The following NKAIN2 variants were observed in gnomAD, a reference collection of about 807,000 sequenced individuals.
The protein encoded by NKAIN2 is sodium/potassium transporting ATPase interacting 2.
NKAIN2 carries 14 observed loss-of-function variants against 32.6 expected under a neutral mutation model. The ratio of observed to expected loss-of-function variants is 0.43; its 90% CI spans 0.28 to 0.67. The LOEUF is 0.67. Ranked by LOEUF, NKAIN2 falls within the 30% of genes least tolerant of loss-of-function variation. NKAIN2 has a pLI of 0.17. For missense variants in NKAIN2, 198 were observed against 258.3 expected (o/e 0.77, Z 1.60); for synonymous variants, 80 against 87.2 (o/e 0.92, Z 0.46).
At chr6:124,674,548 T>C (rs1344698490) in intron 4 of NKAIN2, among the ~76,000 whole-genome samples, 1 of 152,018 alleles carries the variant, frequency 6.6e-6, no homozygotes, top group Non-Finnish European at 1.5e-5. Flanking sequence ...CAATGTTTTA[T>C]AGTTTTCAGG....
rs146912523 is a variant in NKAIN2 at position 124,441,125 on chromosome 6, G to A, written c.273+85778G>A. On this transcript the variant is annotated intron_variant, in intron 3 of 6. Transcript: ENST00000368417. ...TGAATGGTCAGTATATGATAGAGCC[G>A]TGAATCTCATGATTCACACACTTCT... 1.8e-3 allele frequency among the ~76,000 whole-genome samples: 280 copies of A among 152,130 alleles called. 1 individual carries two copies. The highest frequency in any genetic ancestry group is 6.4e-3 in the African/African-American group (266 of 41,518).
At position 124,342,018 on chromosome 6, in the gene NKAIN2, T is replaced by C. The variant is rs574216622; in HGVS notation, c.193-13249T>C. On this transcript the variant is annotated intron_variant, in intron 2 of 6. Coordinates refer to ENST00000368417, the MANE Select transcript of NKAIN2 (RefSeq NM_001040214.3). ...GCTATTGGAGATGAGAAAACTAAGC[T>C]GAAAATATAATTAACTTTGTACAAA... Among the ~76,000 whole-genome samples the C allele has an allele frequency of 3.3e-5, 5 of 152,298 alleles. No individual in the cohort carries two copies. The East Asian group carries it at 7.7e-4, about 24-fold the overall frequency.
chr6:124,307,196 T>C (rs1022891309), intron 2 of NKAIN2, among the ~76,000 whole-genome samples: 1 of 152,162 alleles, frequency 6.6e-6, no homozygotes, highest in East Asian at 1.9e-4. Context: ...TGGGATAGGC[T>C]AAAGGGCAAA....
At chr6:124,487,530 G>A (rs1307207488) in intron 3 of NKAIN2, among the ~76,000 whole-genome samples, 1 of 152,088 alleles carries the variant, frequency 6.6e-6, no homozygotes. Context: ...TGAAGACCAT[G>A]TGGCAAGTCC....
intron 3 of NKAIN2, among the ~76,000 whole-genome samples, chr6:124,634,391 A>G (rs1783692486): frequency 2.0e-5 from 3 of 152,180 alleles, no homozygotes; most frequent in Non-Finnish European, 4.4e-5. Context: ...GAAATTCAAC[A>G]GAAATAGATC....
intron 3 of NKAIN2, among the ~76,000 whole-genome samples, chr6:124,633,088 C>T (rs1783631985): frequency 6.6e-6 from 1 of 151,950 alleles, no homozygotes. Flanking sequence ...AGAAATTCTG[C>T]AAAATACCAA....
At chr6:124,328,841 G>A (rs1562492830) in intron 2 of NKAIN2, among the ~76,000 whole-genome samples, 1 of 152,116 alleles carries the variant, frequency 6.6e-6, no homozygotes, top group Non-Finnish European at 1.5e-5. Flanking sequence ...AGCCATACTG[G>A]AAGAATAAGA....
At chr6:124,323,232 A>G (rs1007646095) in intron 2 of NKAIN2, among the ~76,000 whole-genome samples, 1 of 152,160 alleles carries the variant, frequency 6.6e-6, no homozygotes, top group African/African-American at 2.4e-5. Flanking sequence ...TTATCTTTTC[A>G]TACTTTTAGT....
chr6:123,831,021 C>G (rs901412093), intron 1 of NKAIN2, among the ~76,000 whole-genome samples: 1 of 152,128 alleles, frequency 6.6e-6, no homozygotes, highest in African/African-American at 2.4e-5. Context: ...TTTAAGGTTA[C>G]TTTATGGAAC....
At chr6:124,427,850 G>A (rs1009358790) in intron 3 of NKAIN2, among the ~76,000 whole-genome samples, 2 of 151,818 alleles carry the variant, frequency 1.3e-5, no homozygotes, top group African/African-American at 2.4e-5. Flanking sequence ...AGGTCGTTCG[G>A]GGCTACAAAA....
chr6:124,072,484 A>G (rs1257688246), intron 1 of NKAIN2, among the ~76,000 whole-genome samples: 1 of 152,194 alleles, frequency 6.6e-6, no homozygotes, highest in East Asian at 1.9e-4. Context: ...TATTTTAAAA[A>G]ATAACATTAA....
chr6:124,292,855 GT>G (rs1795881484), intron 2 of NKAIN2, among the ~76,000 whole-genome samples: 1 of 151,976 alleles, frequency 6.6e-6, no homozygotes, highest in African/African-American at 2.4e-5. Flanking sequence ...TTTTATTAAT[GT>G]TATTAAACTA....
In NKAIN2 at chr6:123,911,807, A is replaced by ATATATATGTGTATATATATATATATATG. The variant is rs1473572416; in HGVS notation, c.54+107559_54+107560insTGTGTATATATATATATATATGTATATA. Among the ~76,000 whole-genome samples the ATATATATGTGTATATATATATATATATG allele has an allele frequency of 9.7e-3, 1,003 of 103,658 alleles. 60 individuals are homozygous for ATATATATGTGTATATATATATATATATG. Among genetic ancestry groups the ATATATATGTGTATATATATATATATATG allele is most frequent in the African/African-American group, 0.02 (448 of 22,808 alleles). 68.0% of individuals were successfully genotyped at this position (103,658 alleles called of 152,430 possible). On this transcript the variant is annotated intron_variant, in intron 1 of 6. Transcript: ENST00000368417. Reference sequence around the variant, plus strand: ...CATATATATATATATATATGTATATATATATACACACACACACACACACAC... The same window carrying ATATATATGTGTATATATATATATATATG: ...CATATATATATATATATATGTATATATATATATGTGTATATATATATATATATGTATATACACACACACACACACACAC...
chr6:124,170,754 G>C (rs916287492), intron 1 of NKAIN2, among the ~76,000 whole-genome samples: 4 of 152,118 alleles, frequency 2.6e-5, no homozygotes, highest in African/African-American at 9.7e-5. Context: ...ATGTGTTTTA[G>C]TTCCGTGGAT....
chr6:124,414,321 T>A (rs1179706411), intron 3 of NKAIN2, among the ~76,000 whole-genome samples: 1 of 152,218 alleles, frequency 6.6e-6, no homozygotes, highest in East Asian at 1.9e-4. Context: ...TCATGAATTA[T>A]ATTGACTTTT....
At chr6:123,929,372 G>A (rs1428506704) in intron 1 of NKAIN2, among the ~76,000 whole-genome samples, 3 of 152,020 alleles carry the variant, frequency 2.0e-5, no homozygotes, top group Admixed American at 2.0e-4. Context: ...TCTCACAGAG[G>A]AGAAAGAAGA....
chr6:124,160,238 A>T (rs112087493), intron 1 of NKAIN2, among the ~76,000 whole-genome samples: 10 of 152,120 alleles, frequency 6.6e-5, no homozygotes, highest in African/African-American at 2.2e-4. Context: ...TATACAGCAG[A>T]CTTTTCTTTT....
intron 5 of NKAIN2, among the ~76,000 whole-genome samples, chr6:124,793,595 T>A (rs565114656): frequency 2.2e-4 from 33 of 151,180 alleles, no homozygotes; most frequent in African/African-American, 8.0e-4. Context: ...ATACCATGTC[T>A]CCTACATGCA....
chr6:123,876,280 G>A (rs1317428357), intron 1 of NKAIN2, among the ~76,000 whole-genome samples: 1 of 152,070 alleles, frequency 6.6e-6, no homozygotes, highest in African/African-American at 2.4e-5. Context: ...ATACATAGAT[G>A]TATCCCATCA....
Sources: allele counts gnomAD v4.1 joint callset (sites outside exome capture counted in the v4.1 genomes callset), GRCh38; gene constraint gnomAD v4.1.1; transcripts MANE v1.5; gene names NCBI Gene and HGNC (gene_info 2026-07-23, HGNC 2026-07-21).